SEL1L: variants seen among roughly 807,000 people sequenced by gnomAD.
SEL1L encodes SEL1L adaptor subunit of SYVN1 ubiquitin ligase.
SEL1L carries 52 observed loss-of-function variants against 109.8 expected under a neutral mutation model. The observed-to-expected ratio is 0.47, with a 90% CI of 0.38 to 0.60. The LOEUF is 0.60. SEL1L is among the 20% of genes least tolerant of loss of function. The pLI, the probability that SEL1L is intolerant of heterozygous loss-of-function variation, is 0.00. For synonymous variants in SEL1L, 373 were observed against 339.6 expected, an observed-to-expected ratio of 1.10 and a Z score of -1.08; for missense variants, 749 against 962.2, an observed-to-expected ratio of 0.78 and a Z score of 2.93.
At chr14:81,491,278 T>G (rs1883528202) in intron 12 of SEL1L, among the ~76,000 whole-genome samples, 1 of 152,122 alleles carries the variant, frequency 6.6e-6, no homozygotes, top group African/African-American at 2.4e-5. Context: ...TGAAGAGGGT[T>G]TAAACACTAA....
chr14:81,507,719 C>G (rs1884298946), intron 3 of SEL1L, among the ~76,000 whole-genome samples: 1 of 150,856 alleles, frequency 6.6e-6, no homozygotes, highest in Non-Finnish European at 1.5e-5. Flanking sequence ...AAGGGTATGC[C>G]TAAGAATGCT....
At chr14:81,521,177 C>G (rs1318187986) in intron 3 of SEL1L, among the ~76,000 whole-genome samples, 1 of 152,106 alleles carries the variant, frequency 6.6e-6, no homozygotes, top group Non-Finnish European at 1.5e-5. Context: ...AGATACATTT[C>G]CTAACCCAAT....
At chr14:81,478,393 G>T (rs530413206) in intron 20 of SEL1L, among the ~76,000 whole-genome samples, 1 of 151,778 alleles carries the variant, frequency 6.6e-6, no homozygotes, top group South Asian at 2.1e-4. Flanking sequence ...ATTATGGGGC[G>T]TTTTTACTGT....
At chr14:81,484,610 A>G (rs1903462432) in intron 18 of SEL1L, 3 of 445,476 alleles carry the variant, frequency 6.7e-6, no homozygotes, top group African/African-American at 3.9e-5. Context: ...TTTGGAATAC[A>G]GAGAGGTAAA....
At chr14:81,521,488 C>T (rs1250252390) in intron 3 of SEL1L, among the ~76,000 whole-genome samples, 1 of 152,176 alleles carries the variant, frequency 6.6e-6, no homozygotes, top group Non-Finnish European at 1.5e-5. Flanking sequence ...GATCATGTGA[C>T]ACATCATAAC....
At chr14:81,494,515 C>T (rs1192863202) in intron 11 of SEL1L, among the ~76,000 whole-genome samples, 1 of 152,198 alleles carries the variant, frequency 6.6e-6, no homozygotes, top group Non-Finnish European at 1.5e-5. Flanking sequence ...TGATCAGGCA[C>T]TGCTTAATCT....
At chr14:81,479,501 C>T (rs1026870883) in intron 20 of SEL1L, 111 bp downstream of exon 20, 5 of 1,104,570 alleles carry the variant, frequency 4.5e-6, no homozygotes, top group South Asian at 1.9e-5. Flanking sequence ...GGAACACACC[C>T]GATACCTGCA....
intron 3 of SEL1L, among the ~76,000 whole-genome samples, chr14:81,514,332 GGA>G (rs1884609005): frequency 6.6e-6 from 1 of 152,164 alleles, no homozygotes; most frequent in African/African-American, 2.4e-5. Flanking sequence ...TTCCAACTCT[GGA>G]GATCCCTCCC....
chr14:81,474,704 C>G lies in SEL1L; in HGVS notation c.*2268G>C, dbSNP rs1903106729. 6.6e-6 allele frequency: 1 copy of G among 152,138 alleles called. No homozygotes were observed. The highest frequency in any genetic ancestry group is 1.5e-5 in the Non-Finnish European group (1 of 68,020). The allele number at this position is 152,138 out of a possible 1,614,324, so 9.4% of individuals were successfully genotyped here. A position where few individuals can be genotyped will look rare whatever the true frequency, so the allele number is the denominator to read the frequency against. On this transcript the variant is annotated 3_prime_UTR_variant, in exon 21 of 21. Coordinates refer to ENST00000336735, the MANE Select transcript of SEL1L (RefSeq NM_005065.6). ...CAGTCTTTAAGTGAAGCCATAAGAA[C>G]TAAGTTATTTGAAAGACACCATTCA... is the stretch of plus-strand genomic sequence containing the variant.
At chr14:81,514,244 G>T (rs1171877699) in intron 3 of SEL1L, among the ~76,000 whole-genome samples, 1 of 152,204 alleles carries the variant, frequency 6.6e-6, no homozygotes, top group Non-Finnish European at 1.5e-5. Context: ...CCTAACAAAA[G>T]CTATTCCTGA....
At chr14:81,495,894 C>G (rs988443211) in intron 10 of SEL1L, among the ~76,000 whole-genome samples, 5 of 152,122 alleles carry the variant, frequency 3.3e-5, no homozygotes, top group Non-Finnish European at 7.3e-5. Context: ...CGAGATCGTG[C>G]CACTGCACTC....
At chr14:81,499,697 T>C (rs759629101) in intron 6 of SEL1L, 35 bp from the exon 7 acceptor site, 5 of 1,568,150 alleles carry the variant, frequency 3.2e-6, no homozygotes, top group Non-Finnish European at 3.5e-6. Context: ...AATCTTGCTT[T>C]GGTGAAGGTT....
At chr14:81,518,138 C>T (rs1334122098) in intron 3 of SEL1L, among the ~76,000 whole-genome samples, 3 of 151,660 alleles carry the variant, frequency 2.0e-5, no homozygotes, top group East Asian at 4.0e-4. Context: ...AGTGATCCAC[C>T]TGCCTTGGCC....
chr14:81,485,798 A>T (rs1241684763), intron 17 of SEL1L, 52 bp from the exon 18 acceptor site: 1 of 1,495,790 alleles, frequency 6.7e-7, no homozygotes, highest in Non-Finnish European at 9.3e-7. Context: ...AAGGCACTAG[A>T]CTTAATTTTC....
chr14:81,485,335 G>A (rs1186495600), intron 18 of SEL1L, among the ~76,000 whole-genome samples: 1 of 152,130 alleles, frequency 6.6e-6, no homozygotes, highest in East Asian at 1.9e-4. Flanking sequence ...GAGTGCAGTG[G>A]CATAATCTTG....
intron 15 of SEL1L, 107 bp downstream of exon 15, chr14:81,487,748 A>C (rs1472203305): frequency 1.3e-6 from 2 of 1,539,708 alleles, no homozygotes; most frequent in Non-Finnish European, 1.7e-6. Context: ...AGAACATTTA[A>C]CCAGCCAGAA....
intron 15 of SEL1L, 122 bp downstream of exon 15, chr14:81,487,733 C>T: frequency 1.3e-6 from 2 of 1,521,206 alleles, no homozygotes; most frequent in Non-Finnish European, 1.8e-6. Flanking sequence ...AATCATTGAA[C>T]TGGGAGAACA....
rs561312726 is a variant in SEL1L at position 81,529,981 on chromosome 14, C to T, written c.71-2243G>A. Among the ~76,000 whole-genome samples the T allele has an allele frequency of 7.9e-5, 12 of 152,336 alleles. No individual in the cohort carries two copies. The East Asian group carries it at 1.5e-3, about 20-fold the overall frequency. ...CAAAAGGATTAAGTTATGCGCTTCTCGCTCATCAGCATCACATCCAAATGG... is the reference window on the plus strand; with the variant it reads ...CAAAAGGATTAAGTTATGCGCTTCTTGCTCATCAGCATCACATCCAAATGG... On this transcript the variant is annotated intron_variant, in intron 1 of 20. Transcript: ENST00000336735.
At chr14:81,490,974 T>C (rs1883518758) in intron 12 of SEL1L, among the ~76,000 whole-genome samples, 1 of 152,254 alleles carries the variant, frequency 6.6e-6, no homozygotes, top group Non-Finnish European at 1.5e-5. Flanking sequence ...TTAGTAATTA[T>C]ATACTCTGTT....
Sources: allele counts gnomAD v4.1 joint callset (sites outside exome capture counted in the v4.1 genomes callset), GRCh38; gene constraint gnomAD v4.1.1; transcripts MANE v1.5; gene names NCBI Gene and HGNC (gene_info 2026-07-23, HGNC 2026-07-21).